NEGR1: variants seen among roughly 807,000 people sequenced by gnomAD.
The protein encoded by NEGR1 is IgLON family member 4.
In NEGR1, 10 loss-of-function variants were observed where a neutral mutation model predicts 40.9. The ratio of observed to expected loss-of-function variants is 0.24; its 90% CI spans 0.15 to 0.42. NEGR1 has a LOEUF of 0.42. NEGR1 is among the 10% of genes least tolerant of loss of function. The probability of loss-of-function intolerance (pLI) is 1.00; values close to 1 mark genes in which losing one functional copy is unlikely to be tolerated. For synonymous variants in NEGR1, 185 were observed against 166.8 expected (o/e 1.11, Z -0.84); for missense variants, 352 against 438.9 (o/e 0.80, Z 1.77).
chr1:72,177,712 C>T (rs1443919404), intron 1 of NEGR1, among the ~76,000 whole-genome samples: 1 of 151,426 alleles, frequency 6.6e-6, no homozygotes, highest in African/African-American at 2.4e-5. Context: ...TTGTTCAAGC[C>T]TTCTGAAAAT....
intron 2 of NEGR1, among the ~76,000 whole-genome samples, chr1:71,865,822 A>G (rs1557681805): frequency 6.6e-6 from 1 of 152,170 alleles, no homozygotes; most frequent in Non-Finnish European, 1.5e-5. Flanking sequence ...CTTGTTTCCA[A>G]TTTGTGTCTC....
At chr1:71,929,283 G>T (rs1046588340) in intron 2 of NEGR1, among the ~76,000 whole-genome samples, 17 of 152,006 alleles carry the variant, frequency 1.1e-4, no homozygotes, top group African/African-American at 4.1e-4. Flanking sequence ...TAAGTATGAA[G>T]GTGCATTCCT....
At chr1:72,135,362 C>G (rs1389856411) in intron 1 of NEGR1, among the ~76,000 whole-genome samples, 2 of 112,032 alleles carry the variant, frequency 1.8e-5, no homozygotes, top group African/African-American at 6.9e-5. Context: ...GGTGACAGAG[C>G]GAGACTCCGT....
chr1:71,796,120 T>G (rs1457601810), intron 2 of NEGR1, among the ~76,000 whole-genome samples: 2 of 152,182 alleles, frequency 1.3e-5, no homozygotes, highest in Non-Finnish European at 2.9e-5. Context: ...AACATTCAGT[T>G]GACCTGAATT....
chr1:72,091,753 A>G (rs1648508474), intron 1 of NEGR1, among the ~76,000 whole-genome samples: 1 of 152,122 alleles, frequency 6.6e-6, no homozygotes, highest in Non-Finnish European at 1.5e-5. Context: ...ACCCTAGACT[A>G]TGGGACTTAA....
intron 2 of NEGR1, among the ~76,000 whole-genome samples, chr1:71,898,968 TATATATATATAGC>T (rs1423680102): frequency 0.011 from 589 of 53,336 alleles, 18 homozygotes; most frequent in East Asian, 0.037. Context: ...ATATAGCATA[TATATATATATAGC>T]ATATATATAT....
At chr1:72,234,437 A>AT (rs1654482868) in intron 1 of NEGR1, among the ~76,000 whole-genome samples, 1 of 152,128 alleles carries the variant, frequency 6.6e-6, no homozygotes, top group South Asian at 2.1e-4. Context: ...TCTGGGACCT[A>AT]ATTAAACCAA....
chr1:72,271,234 A>G (rs1257252089), intron 1 of NEGR1, among the ~76,000 whole-genome samples: 2 of 151,882 alleles, frequency 1.3e-5, no homozygotes, highest in Non-Finnish European at 2.9e-5. Flanking sequence ...AAAATAAGTA[A>G]CATAAGCTCA....
intron 1 of NEGR1, among the ~76,000 whole-genome samples, chr1:72,068,708 A>G (rs1162886955): frequency 6.6e-6 from 1 of 152,216 alleles, no homozygotes; most frequent in Non-Finnish European, 1.5e-5. Context: ...TGATTTTAAT[A>G]TAATAGAGTA....
chr1:71,447,216 A>G (rs778396915), intron 6 of NEGR1, among the ~76,000 whole-genome samples: 3 of 152,164 alleles, frequency 2.0e-5, no homozygotes, highest in African/African-American at 4.8e-5. Flanking sequence ...TGAGCCTCTA[A>G]TGCCTCTGAA....
chr1:72,233,665 A>G (rs1654454721), intron 1 of NEGR1, among the ~76,000 whole-genome samples: 1 of 152,166 alleles, frequency 6.6e-6, no homozygotes, highest in Non-Finnish European at 1.5e-5. Flanking sequence ...GGATGTATAC[A>G]TACCACATTT....
chr1:71,463,614 G>C (rs575833921), intron 6 of NEGR1: 1 of 152,220 alleles, frequency 6.6e-6, no homozygotes, highest in African/African-American at 2.4e-5. Flanking sequence ...TGTACTATTA[G>C]TGCCCATCCT....
intron 1 of NEGR1, among the ~76,000 whole-genome samples, chr1:72,133,341 C>T (rs528725464): frequency 6.6e-6 from 1 of 151,934 alleles, no homozygotes; most frequent in Admixed American, 6.6e-5. Flanking sequence ...CACACTACTG[C>T]CCATTTAATG....
intron 2 of NEGR1, among the ~76,000 whole-genome samples, chr1:71,792,804 C>A (rs575501792): frequency 1.4e-4 from 21 of 152,028 alleles, no homozygotes; most frequent in African/African-American, 3.9e-4. Context: ...CTATAAGGTA[C>A]TTTTTGAAAG....
chr1:71,706,626 A>G (rs1394922767), intron 3 of NEGR1, among the ~76,000 whole-genome samples: 3 of 151,126 alleles, frequency 2.0e-5, no homozygotes, highest in Non-Finnish European at 2.9e-5. Context: ...AAGAGTGGAG[A>G]GGACTTTGTC....
intron 1 of NEGR1, among the ~76,000 whole-genome samples, chr1:71,984,830 T>C (rs965657388): frequency 6.6e-6 from 1 of 152,134 alleles, no homozygotes; most frequent in African/African-American, 2.4e-5. Context: ...TTTACTTATT[T>C]TTAGCTGTAT....
At chr1:71,563,572 T>C (rs1648527935) in intron 6 of NEGR1, among the ~76,000 whole-genome samples, 2 of 151,996 alleles carry the variant, frequency 1.3e-5, no homozygotes, top group Admixed American at 6.6e-5. Flanking sequence ...TGCTAGGCCC[T>C]TTGCTATCAT....
chr1:71,967,792 A>G (rs1646222416), intron 1 of NEGR1, among the ~76,000 whole-genome samples: 1 of 152,192 alleles, frequency 6.6e-6, no homozygotes, highest in African/African-American at 2.4e-5. Flanking sequence ...AAATATAGCA[A>G]ATGTCTGATG....
intron 1 of NEGR1, among the ~76,000 whole-genome samples, chr1:72,256,840 A>G (rs1230685434): frequency 6.6e-6 from 1 of 152,226 alleles, no homozygotes; most frequent in African/African-American, 2.4e-5. Context: ...AATAGCTTCT[A>G]AAGTAACACA....
Sources: allele counts gnomAD v4.1 joint callset (sites outside exome capture counted in the v4.1 genomes callset), GRCh38; gene constraint gnomAD v4.1.1; transcripts MANE v1.5; gene names NCBI Gene and HGNC (gene_info 2026-07-23, HGNC 2026-07-21).